AP3M1: variants seen among roughly 807,000 people sequenced by gnomAD.
AP3M1 encodes AP-3 complex subunit mu-1.
Under a neutral mutation model 42.6 loss-of-function variants are expected in AP3M1, and 29 were observed. The observed-to-expected ratio is 0.68, with a 90% CI of 0.51 to 0.93. The LOEUF (loss-of-function observed/expected upper bound fraction) is 0.93, where lower values mean the gene tolerates loss of function less well. AP3M1 is among the 40% of genes least tolerant of loss of function. The probability of loss-of-function intolerance (pLI) is 0.00; values close to 1 mark genes in which losing one functional copy is unlikely to be tolerated. For synonymous variants in AP3M1, 178 were observed against 175.3 expected (o/e 1.02, Z -0.12); for missense variants, 416 against 510.2 (o/e 0.82, Z 1.78).
At chr10:74,139,831 C>T (rs1373938923) in intron 1 of AP3M1, among the ~76,000 whole-genome samples, 2 of 147,236 alleles carry the variant, frequency 1.4e-5, no homozygotes, top group Admixed American at 7.0e-5. Flanking sequence ...CGCTTGAACC[C>T]GGGAGGCGGA....
intron 4 of AP3M1, among the ~76,000 whole-genome samples, chr10:74,132,313 C>T (rs971043533): frequency 3.3e-5 from 5 of 151,478 alleles, no homozygotes; most frequent in African/African-American, 7.3e-5. Context: ...GCTGGAATTA[C>T]AGGCGTGATC....
intron 1 of AP3M1, among the ~76,000 whole-genome samples, chr10:74,143,888 A>C (rs940457186): frequency 6.6e-6 from 1 of 152,240 alleles, no homozygotes; most frequent in Admixed American, 6.5e-5. Flanking sequence ...TATGGTAGCC[A>C]CTACACCCAT....
rs78354727 is a variant in AP3M1, at chr10:74,120,895, C to T, written c.*2915G>A. 6.6e-6 allele frequency: 1 copy of T among 152,158 alleles called. No homozygotes were observed. Among genetic ancestry groups the T allele is most frequent in the African/African-American group, 2.4e-5 (1 of 41,420 alleles). 9.4% of individuals were successfully genotyped at this position (152,158 alleles called of 1,614,324 possible). A position where few individuals can be genotyped will look rare whatever the true frequency, so the allele number is the denominator to read the frequency against. ...TCAGGGATCCACCAGGGCTATAAAA[C>T]AGAGTTAGCTTTTGGGGACATAGTC... On this transcript the variant is annotated 3_prime_UTR_variant, in exon 9 of 9. Coordinates refer to ENST00000355264, the MANE Select transcript of AP3M1 (RefSeq NM_012095.6).
chr10:74,125,608 TA>T (rs1389694830), intron 7 of AP3M1, among the ~76,000 whole-genome samples: 1 of 152,238 alleles, frequency 6.6e-6, no homozygotes, highest in African/African-American at 2.4e-5. Flanking sequence ...CAATCATATT[TA>T]CCAGCTAATC....
chr10:74,144,240 C>T (rs1166773167), intron 1 of AP3M1, among the ~76,000 whole-genome samples: 1 of 152,100 alleles, frequency 6.6e-6, no homozygotes, highest in African/African-American at 2.4e-5. Context: ...GGATTACAGG[C>T]GTGAGCCACC....
At position 74,124,489 on chromosome 10, in the gene AP3M1, T is replaced by C. The variant is rs763320224; in HGVS notation, c.1047A>G (p.Gln349=). Residue 349 remains glutamine, a synonymous_variant, in exon 8 of 9, where the codon CAA becomes CAG. Transcript: ENST00000355264. ...LTWDVGKITP[Q]KLPSLKGLVN... is the part of the protein sequence containing the mutation. ...CCAGTCCTTTAAGACTTGGGAGCTT[T>C]TGTGGAGTAATTTTTCCCACATCCC... The C allele has an allele frequency of 1.2e-5, 19 of 1,610,838 alleles. No individual in the cohort carries two copies. Among genetic ancestry groups the C allele is most frequent in the Admixed American group, 3.4e-5 (2 of 59,204 alleles).
At chr10:74,133,562 A>G (rs1279152046) in intron 4 of AP3M1, among the ~76,000 whole-genome samples, 1 of 152,070 alleles carries the variant, frequency 6.6e-6, no homozygotes, top group Non-Finnish European at 1.5e-5. Context: ...CCCCGTCTCA[A>G]ATAAATAAAT....
rs1358312248 is a variant in AP3M1 at position 74,138,131 on chromosome 10, T to G, written c.249A>C (p.Leu83=). The G allele has an allele frequency of 4.3e-6, 7 of 1,613,998 alleles. No individual in the cohort carries two copies. Among genetic ancestry groups the G allele is most frequent in the Non-Finnish European group, 5.9e-6 (7 of 1,179,968 alleles). Residue 83 remains leucine (L), a synonymous_variant, in exon 2 of 9, where the codon CTA becomes CTC. Transcript: ENST00000355264. ...EVPPLFVIEF[L]HRVADTFQDY... is the part of the protein sequence containing the mutation. ...CCTGAAAAGTGTCAGCAACTCGATG[T>G]AGGAACTCAATTACAAAGAGAGGTG...
chr10:74,150,113 A>AT (rs1001462081), intron 1 of AP3M1, among the ~76,000 whole-genome samples: 6 of 151,972 alleles, frequency 3.9e-5, no homozygotes, highest in Non-Finnish European at 7.4e-5. Context: ...AATTCTCATA[A>AT]TTTTTTTTAA....
intron 4 of AP3M1, among the ~76,000 whole-genome samples, chr10:74,132,039 CTTTTTTT>C (rs981011505): frequency 7.9e-5 from 12 of 151,110 alleles, no homozygotes; most frequent in Non-Finnish European, 1.5e-4. Flanking sequence ...TTTCTTTTTT[CTTTTTTT>C]GTTTTTTTAG....
chr10:74,149,267 G>GTTTTTTT lies in AP3M1; in HGVS notation c.-4+1481_-4+1487dup, dbSNP rs57279906. On this transcript the variant is annotated intron_variant, in intron 1 of 8. Coordinates refer to ENST00000355264, the MANE Select transcript of AP3M1 (RefSeq NM_012095.6). ...GAGAGCTTTCCTAAAGATACGTAAG[G>GTTTTTTT]TTTTTTTTTTTTTTTTTTTTTTTTT... Among the ~76,000 whole-genome samples the GTTTTTTT allele has an allele frequency of 1.0e-4, 6 of 60,098 alleles. 3 individuals are homozygous for GTTTTTTT. The highest frequency in any genetic ancestry group is 9.6e-4 in the East Asian group (2 of 2,076). 39.4% of individuals were successfully genotyped at this position (60,098 alleles called of 152,430 possible). A position where few individuals can be genotyped will look rare whatever the true frequency, so the allele number is the denominator to read the frequency against.
chr10:74,138,444 A>G (rs530437987), intron 1 of AP3M1, 62 bp from the exon 2 acceptor site: 216 of 1,446,302 alleles, frequency 1.5e-4, no homozygotes, highest in Non-Finnish European at 1.9e-4. Flanking sequence ...CATACACAAA[A>G]AGATTATACA....
chr10:74,125,479 CAGG>C (rs1840586930), intron 7 of AP3M1, among the ~76,000 whole-genome samples: 1 of 152,176 alleles, frequency 6.6e-6, no homozygotes, highest in South Asian at 2.1e-4. Flanking sequence ...GTGTGGTCTC[CAGG>C]AGGAGGTTCT....
At position 74,124,386 on chromosome 10, in the gene AP3M1, T is replaced by G. The variant is rs758004991; in HGVS notation, c.1150A>C (p.Ile384Leu). ...NIQFKIQQLA[I>L]SGLKVNRLDM... ...AAGTCAACCTTATCCTTACCTGAAATAGCAAGCTGCTGGATCTTAAACTGT... is the reference window on the plus strand; with the variant it reads ...AAGTCAACCTTATCCTTACCTGAAAGAGCAAGCTGCTGGATCTTAAACTGT... The change falls in exon 8 of 9, where the codon ATT becomes CTT. Residue 384 changes from isoleucine (I) to leucine (L), a missense_variant. Transcript: ENST00000355264. 1.6e-5 allele frequency: 25 copies of G among 1,606,236 alleles called. No individual in the cohort carries two copies. Among genetic ancestry groups the G allele is most frequent in the Non-Finnish European group, 8.5e-7 (1 of 1,178,104 alleles).
Position 74,140,126 on chromosome 10 carries a change from C to T in AP3M1, c.-3-1744G>A, listed in dbSNP as rs556634752. Among the ~76,000 whole-genome samples the T allele has an allele frequency of 2.6e-5, 4 of 152,334 alleles. No individual in the cohort carries two copies. The East Asian group carries it at 7.7e-4, about 29-fold the overall frequency. Reference sequence around the variant, plus strand: ...CTGAGCATCCTTCCTGGGAGCCACTCTGCTGTTCCAAGGACCTGGGAGGAG... The same window carrying T: ...CTGAGCATCCTTCCTGGGAGCCACTTTGCTGTTCCAAGGACCTGGGAGGAG... On this transcript the variant is annotated intron_variant, in intron 1 of 8. Coordinates refer to ENST00000355264, the MANE Select transcript of AP3M1 (RefSeq NM_012095.6).
intron 1 of AP3M1, among the ~76,000 whole-genome samples, chr10:74,142,221 A>C (rs764857832): frequency 6.6e-6 from 1 of 152,206 alleles, no homozygotes; most frequent in Non-Finnish European, 1.5e-5. Context: ...GTGTATAAGC[A>C]CCAGTATCAG....
chr10:74,131,119 A>G (rs547975444), intron 4 of AP3M1, among the ~76,000 whole-genome samples: 1 of 152,254 alleles, frequency 6.6e-6, no homozygotes, highest in African/African-American at 2.4e-5. Context: ...CTCAAAAACA[A>G]AATAAAACAA....
chr10:74,134,826 T>C (rs974472862), intron 3 of AP3M1, among the ~76,000 whole-genome samples: 1 of 152,200 alleles, frequency 6.6e-6, no homozygotes, highest in South Asian at 2.1e-4. Flanking sequence ...AACAAAAAGG[T>C]AGAGTTCAGA....
intron 4 of AP3M1, among the ~76,000 whole-genome samples, chr10:74,130,945 T>C (rs1349408845): frequency 1.3e-5 from 2 of 151,746 alleles, no homozygotes. Context: ...ACCCCGTTTC[T>C]ACTAAAAATA....
Sources: allele counts gnomAD v4.1 joint callset (sites outside exome capture counted in the v4.1 genomes callset), GRCh38; gene constraint gnomAD v4.1.1; transcripts MANE v1.5; gene names NCBI Gene and HGNC (gene_info 2026-07-23, HGNC 2026-07-21).